VAPA: variants seen among roughly 807,000 people sequenced by gnomAD.
VAPA encodes vesicle-associated membrane protein-associated protein A.
Under a neutral mutation model 25.6 loss-of-function variants are expected in VAPA, and 6 were observed. The observed-to-expected ratio is 0.23, with a 90% CI of 0.13 to 0.46. VAPA has a LOEUF of 0.46. Among genes scored for constraint, VAPA ranks in the 20% least tolerant of loss-of-function variants. The pLI is 0.99. For synonymous variants in VAPA, 112 were observed against 106.2 expected, an observed-to-expected ratio of 1.05 and a Z score of -0.34; for missense variants, 244 against 302.1, an observed-to-expected ratio of 0.81 and a Z score of 1.43.
Position 9,932,429 on chromosome 18 carries a change from T to C in VAPA, c.232+467T>C, listed in dbSNP as rs143442797. On this transcript the variant is annotated intron_variant, in intron 2 of 5. Coordinates refer to ENST00000400000, the MANE Select transcript of VAPA (RefSeq NM_194434.3). ...TGCCTTTCATTGTAAATGTCAACAG[T>C]GTCCTGTGTGTGAAAACTTTATTTT... is the stretch of plus-strand genomic sequence containing the variant. 9.1e-4 allele frequency among the ~76,000 whole-genome samples: 138 copies of C among 152,332 alleles called. 1 individual carries two copies. The East Asian group carries it at 0.025, about 27-fold the overall frequency.
rs568718922 is a variant in VAPA at position 9,945,136 on chromosome 18, G to T, written c.418-5259G>T. On this transcript the variant is annotated intron_variant, in intron 4 of 5. Coordinates refer to ENST00000400000, the MANE Select transcript of VAPA (RefSeq NM_194434.3). ...GTTAATGTAGATACCTAGCAGATAA[G>T]TGGTATTGTGAGTATGTTGTATGAA... is the stretch of plus-strand genomic sequence containing the variant. 4 of 1,499,742 alleles carry T rather than the reference G, an allele frequency of 2.7e-6. No individual in the cohort carries two copies. The South Asian group carries it at 5.0e-5, about 19-fold the overall frequency. The allele number at this position is 1,499,742 out of a possible 1,614,324, so 92.9% of individuals were successfully genotyped here.
intron 1 of VAPA, among the ~76,000 whole-genome samples, chr18:9,920,295 T>C (rs1243803415): frequency 6.6e-6 from 1 of 152,096 alleles, no homozygotes; most frequent in Non-Finnish European, 1.5e-5. Context: ...TCCTTTTCTT[T>C]TCTTTCTTTC....
chr18:9,935,704 CTTATA>C (rs1567896721), intron 2 of VAPA, among the ~76,000 whole-genome samples: 1 of 152,138 alleles, frequency 6.6e-6, no homozygotes, highest in African/African-American at 2.4e-5. Context: ...GTTTTAATAA[CTTATA>C]TTTAATCTGA....
chr18:9,938,559 A>T (rs967789920), intron 4 of VAPA, among the ~76,000 whole-genome samples: 6 of 152,226 alleles, frequency 3.9e-5, no homozygotes, highest in Non-Finnish European at 8.8e-5. Context: ...GAGTTCCCAG[A>T]ATCCCCTGCG....
chr18:9,939,173 C>CTTT (rs748625580), intron 4 of VAPA, among the ~76,000 whole-genome samples: 2 of 137,904 alleles, frequency 1.5e-5, no homozygotes, highest in South Asian at 2.3e-4. Flanking sequence ...AATAGTTCTT[C>CTTT]TTTTTTTTTT....
At chr18:9,926,316 T>C (rs1269399527) in intron 1 of VAPA, among the ~76,000 whole-genome samples, 3 of 152,164 alleles carry the variant, frequency 2.0e-5, no homozygotes, top group Non-Finnish European at 2.9e-5. Flanking sequence ...TAAAACCTGT[T>C]AGAAACATTG....
At chr18:9,936,934 C>G in intron 3 of VAPA, 52 bp from the exon 4 acceptor site, 1 of 1,545,540 alleles carries the variant, frequency 6.5e-7, no homozygotes, top group Non-Finnish European at 8.9e-7. Context: ...GTGAAACTTA[C>G]TTACCATGAT....
chr18:9,932,065 ATAT>A (rs2069261123), intron 2 of VAPA, 103 bp downstream of exon 2: 1 of 840,648 alleles, frequency 1.2e-6, no homozygotes, highest in Non-Finnish European at 1.8e-6. Flanking sequence ...AATAATTCTT[ATAT>A]TATTCTGGTT....
intron 1 of VAPA, among the ~76,000 whole-genome samples, chr18:9,917,770 ACATCAGCTAGTG>A (rs1475966146): frequency 3.3e-5 from 5 of 152,186 alleles, no homozygotes; most frequent in African/African-American, 1.2e-4. Flanking sequence ...TATGGTGTTA[ACATCAGCTAGTG>A]CATCTGCATA....
At chr18:9,918,713 T>A (rs2069132833) in intron 1 of VAPA, among the ~76,000 whole-genome samples, 1 of 152,246 alleles carries the variant, frequency 6.6e-6, no homozygotes, top group Non-Finnish European at 1.5e-5. Context: ...TCTCTTTATC[T>A]TCCTTGCTCT....
intron 4 of VAPA, among the ~76,000 whole-genome samples, chr18:9,938,670 T>C (rs1482843801): frequency 6.6e-6 from 1 of 152,234 alleles, no homozygotes; most frequent in Non-Finnish European, 1.5e-5. Flanking sequence ...CTTTAGAGAA[T>C]ATCTGAGTCT....
chr18:9,958,129 T>A lies in VAPA; in HGVS notation c.*3918T>A, dbSNP rs1055193800. 1.3e-5 allele frequency: 2 copies of A among 152,250 alleles called. No individual in the cohort carries two copies. Among genetic ancestry groups the A allele is most frequent in the African/African-American group, 4.8e-5 (2 of 41,462 alleles). 9.4% of individuals were successfully genotyped at this position (152,250 alleles called of 1,614,324 possible). A position where few individuals can be genotyped will look rare whatever the true frequency, so the allele number is the denominator to read the frequency against. ...CAATTGCTAGGAACATTTCATTCATTTCCCTGTAATATTAATGTTCTTTAA... is the reference window on the plus strand; with the variant it reads ...CAATTGCTAGGAACATTTCATTCATATCCCTGTAATATTAATGTTCTTTAA... On this transcript the variant is annotated 3_prime_UTR_variant, in exon 6 of 6. Coordinates refer to ENST00000400000, the MANE Select transcript of VAPA (RefSeq NM_194434.3).
chr18:9,942,421 C>A (rs181285072), intron 4 of VAPA, among the ~76,000 whole-genome samples: 4 of 152,094 alleles, frequency 2.6e-5, no homozygotes, highest in Non-Finnish European at 5.9e-5. Flanking sequence ...AAGTCTTGAA[C>A]TTTATGATTT....
chr18:9,939,046 T>C (rs1017141735), intron 4 of VAPA, among the ~76,000 whole-genome samples: 2 of 152,238 alleles, frequency 1.3e-5, no homozygotes, highest in Non-Finnish European at 2.9e-5. Context: ...TACTATGCCT[T>C]TAAAAATTTA....
chr18:9,952,636 A>G (rs1410294457), intron 5 of VAPA, among the ~76,000 whole-genome samples: 2 of 151,036 alleles, frequency 1.3e-5, no homozygotes, highest in African/African-American at 4.9e-5. Flanking sequence ...ACACAGGCCC[A>G]CCATAATTTT....
At chr18:9,918,891 C>G (rs2069134481) in intron 1 of VAPA, among the ~76,000 whole-genome samples, 1 of 152,148 alleles carries the variant, frequency 6.6e-6, no homozygotes, top group Non-Finnish European at 1.5e-5. Context: ...TACTCTTCTT[C>G]CCATATTTTT....
intron 3 of VAPA, 46 bp downstream of exon 3, chr18:9,936,259 G>A: frequency 7.7e-7 from 1 of 1,299,168 alleles, no homozygotes; most frequent in Non-Finnish European, 1.1e-6. Context: ...AGTTTAAACT[G>A]TGGGTGTTGT....
intron 4 of VAPA, among the ~76,000 whole-genome samples, chr18:9,940,859 G>A (rs2069360280): frequency 6.6e-6 from 1 of 152,134 alleles, no homozygotes; most frequent in South Asian, 2.1e-4. Context: ...TCAAATTTAT[G>A]TAATTCAAAC....
At chr18:9,943,015 C>T (rs1263522524) in intron 4 of VAPA, among the ~76,000 whole-genome samples, 1 of 152,134 alleles carries the variant, frequency 6.6e-6, no homozygotes, top group Non-Finnish European at 1.5e-5. Context: ...TGGGTGTTTA[C>T]ATGTTTGGAA....
Sources: gnomAD v4.1 joint callset for allele counts (sites outside exome capture counted in the v4.1 genomes callset) on GRCh38, gnomAD v4.1.1 for gene constraint, MANE v1.5 for transcripts, NCBI Gene and HGNC (gene_info 2026-07-23, HGNC 2026-07-21) for gene names.